NCAN: variants seen among roughly 807,000 people sequenced by gnomAD.
The protein encoded by NCAN is neurocan, also known as neurocan core protein.
In NCAN, 47 loss-of-function variants were observed where a neutral mutation model predicts 121.8. That is an observed-to-expected ratio of 0.39 (90% CI 0.31 to 0.49). The LOEUF (loss-of-function observed/expected upper bound fraction) is 0.49, where lower values mean the gene tolerates loss of function less well. NCAN is among the 20% of genes least tolerant of loss of function. The pLI is 0.92. For synonymous variants in NCAN, 633 were observed against 702.0 expected (o/e 0.90, Z 1.55); for missense variants, 1,517 against 1,773.4 (o/e 0.86, Z 2.60).
intron 12 of NCAN, among the ~76,000 whole-genome samples, chr19:19,242,418 G>A (rs2060906506): frequency 6.7e-6 from 1 of 149,078 alleles, no homozygotes; most frequent in African/African-American, 2.5e-5. Flanking sequence ...AGGCGTGGTG[G>A]GTGACTCACG....
In NCAN at chr19:19,224,420, C is replaced by T; in HGVS notation, c.765C>T (p.Ala255=). The part of the protein sequence containing the change: ...PQELYDVYCF[A]RELGGEVFYV... ...AACTCTACGATGTGTATTGCTTTGC[C>T]CGGGAGCTGGGGGGTAAGTCTGGGA... is the stretch of plus-strand genomic sequence containing the variant. Residue 255 remains alanine, a synonymous_variant, in exon 5 of 15, where the codon GCC becomes GCT. Transcript: ENST00000252575. The T allele has an allele frequency of 6.2e-7, 1 of 1,613,466 alleles. No homozygotes were observed. The highest frequency in any genetic ancestry group is 1.7e-4 in the Middle Eastern group (1 of 6,060).
At chr19:19,241,652 C>T (rs1185384984) in intron 12 of NCAN, among the ~76,000 whole-genome samples, 3 of 151,782 alleles carry the variant, frequency 2.0e-5, no homozygotes, top group African/African-American at 7.3e-5. Context: ...GCCTGGGCAA[C>T]ACAGTGAGAC....
chr19:19,246,708 G>A (rs775745116), intron 13 of NCAN, among the ~76,000 whole-genome samples: 6 of 150,798 alleles, frequency 4.0e-5, no homozygotes, highest in Non-Finnish European at 7.4e-5. Context: ...TTTTTTTTTT[G>A]TTTTTGTATT....
chr19:19,244,017 C>G (rs1599823973), intron 12 of NCAN, among the ~76,000 whole-genome samples: 1 of 151,922 alleles, frequency 6.6e-6, no homozygotes, highest in Non-Finnish European at 1.5e-5. Context: ...GGCTCTGTCT[C>G]AAACAAAACA....
intron 13 of NCAN, 51 bp downstream of exon 13, chr19:19,245,508 TTC>T: frequency 6.3e-7 from 1 of 1,590,234 alleles, no homozygotes. Context: ...TGCTCACTGG[TTC>T]TCTGTTGCCC....
In NCAN at chr19:19,240,658, T is replaced by C. The variant is rs375396614; in HGVS notation, c.3465T>C (p.Asp1155=). 2.4e-5 allele frequency: 39 copies of C among 1,613,846 alleles called. No individual in the cohort carries two copies. Among genetic ancestry groups the C allele is most frequent in the African/African-American group, 1.5e-4 (11 of 74,888 alleles). ...IGLNDRIVER[D]FQWTDNTGLQ... ...TGAACGACAGGATCGTGGAGAGAGA[T>C]TTCCAGTGGACGGACAACACCGGGC... The change falls in exon 12 of 15, where the codon GAT becomes GAC. Residue 1155 remains aspartate, a synonymous_variant. Coordinates refer to ENST00000252575, the MANE Select transcript of NCAN (RefSeq NM_004386.3).
At chr19:19,241,916 C>T (rs925151589) in intron 12 of NCAN, among the ~76,000 whole-genome samples, 1 of 152,044 alleles carries the variant, frequency 6.6e-6, no homozygotes, top group East Asian at 1.9e-4. Flanking sequence ...ACACAGAGGC[C>T]GGGCACAGTG....
At chr19:19,218,888 G>C in intron 2 of NCAN, 27 bp from the exon 3 acceptor site, 2 of 1,472,446 alleles carry the variant, frequency 1.4e-6, no homozygotes, top group African/African-American at 1.4e-5. Context: ...TCTGAATCAG[G>C]CCCTCTCTCC....
chr19:19,224,194 C>G lies in NCAN; in HGVS notation c.649C>G (p.Arg217Gly), dbSNP rs748459087. 6 of 1,587,616 alleles carry G rather than the reference C, an allele frequency of 3.8e-6. No individual in the cohort carries two copies. The Admixed American group carries it at 1.0e-4, about 27-fold the overall frequency. The change falls in exon 4 of 15, where the codon CGG becomes GGG. Residue 217 changes from arginine (R) to glycine (G), a missense_variant and splice_region_variant. Transcript: ENST00000252575. ...TGGCTGGCTCTCTGACCGCACTGTT[C>G]GGTGAGGGGGATACACAGGGCAGGG... ...DAGWLSDRTV[R>G]YPITQSRPGC... is the part of the protein sequence containing the mutation.
In NCAN at chr19:19,240,456, A is replaced by G; in HGVS notation, c.3410-147A>G. ...TTCCCTCTTCATTTCCACCTTCTAG[A>G]TCTTTCCCCCCACCCAGCCCACCTC... is the stretch of plus-strand genomic sequence containing the variant. On this transcript the variant is annotated intron_variant, in intron 11 of 14. Transcript: ENST00000252575. The G allele has an allele frequency of 7.1e-6, 5 of 704,198 alleles. No individual in the cohort carries two copies. The South Asian group carries it at 8.2e-5, about 12-fold the overall frequency. The allele number at this position is 704,198 out of a possible 1,614,324, so 43.6% of individuals were successfully genotyped here. A position where few individuals can be genotyped will look rare whatever the true frequency, so the allele number is the denominator to read the frequency against.
At chr19:19,213,726 C>T (rs1354004362) in intron 1 of NCAN, among the ~76,000 whole-genome samples, 5 of 152,024 alleles carry the variant, frequency 3.3e-5, no homozygotes, top group Non-Finnish European at 7.4e-5. Context: ...AGTGTGCACC[C>T]TTGGCACGGG....
chr19:19,220,053 A>G (rs919057631), intron 3 of NCAN, among the ~76,000 whole-genome samples: 1 of 152,078 alleles, frequency 6.6e-6, no homozygotes, highest in Non-Finnish European at 1.5e-5. Context: ...CTGTATCAGT[A>G]TGGGTACTAT....
chr19:19,228,687 T>C (rs527632726), intron 8 of NCAN, 48 bp downstream of exon 8: 4 of 1,544,546 alleles, frequency 2.6e-6, no homozygotes, highest in Admixed American at 1.8e-5. Flanking sequence ...TGGTCAGGGC[T>C]TGGGGAGCAG....
At position 19,212,104 on chromosome 19, in the gene NCAN, T is replaced by TTCGGGATTAGAGACAGAGC. The variant is rs1381234798; in HGVS notation, c.-8+43_-8+61dup. ...AGGGGGCCGTGTTGCGGGAGAAGAC[T>TTCGGGATTAGAGACAGAGC]TCGGGATTAGAGACAGAGCTCAGGA... On this transcript the variant is annotated intron_variant, in intron 1 of 14. Coordinates refer to ENST00000252575, the MANE Select transcript of NCAN (RefSeq NM_004386.3). This position sits in a 1 kb window ranked among gnomAD's most constrained non-coding sequence, Gnocchi z 4.5. 7 of 180,840 alleles carry TTCGGGATTAGAGACAGAGC rather than the reference T, an allele frequency of 3.9e-5. No homozygotes were observed. Among genetic ancestry groups the TTCGGGATTAGAGACAGAGC allele is most frequent in the Non-Finnish European group, 7.4e-5 (6 of 81,606 alleles). The allele number at this position is 180,840 out of a possible 1,614,324, so 11.2% of individuals were successfully genotyped here.
At chr19:19,233,749 G>A (rs2060870269) in intron 8 of NCAN, 40 bp from the exon 9 acceptor site, 4 of 1,325,624 alleles carry the variant, frequency 3.0e-6, no homozygotes, top group East Asian at 4.6e-5. Context: ...CAAAAGATCT[G>A]TGGCCTGACT....
Position 19,224,030 on chromosome 19 carries a change from T to C in NCAN, c.485T>C (p.Phe162Ser). The C allele has an allele frequency of 6.5e-7, 1 of 1,526,912 alleles. No individual in the cohort carries two copies. The highest frequency in any genetic ancestry group is 8.8e-7 in the Non-Finnish European group (1 of 1,132,296). 94.6% of individuals were successfully genotyped at this position (1,526,912 alleles called of 1,614,324 possible). The change falls in exon 4 of 15, where the codon TTC (phenylalanine) becomes TCC (serine). Residue 162 changes from phenylalanine to serine, a missense_variant. Phe to Ser is a radical substitution (Grantham distance 155). Coordinates refer to ENST00000252575, the MANE Select transcript of NCAN (RefSeq NM_004386.3). Reference protein sequence around the residue: ...LVPLEVTGVVFHYRSARDRYA... With the variant: ...LVPLEVTGVVSHYRSARDRYA... ...GGATGTTCCCCCACAGGTGTTGTGT[T>C]CCACTACCGATCAGCCCGGGACCGC...
At position 19,224,400 on chromosome 19, in the gene NCAN, T is replaced by C. The variant is rs1185298891; in HGVS notation, c.745T>C (p.Tyr249His). 5 of 1,614,010 alleles carry C rather than the reference T, an allele frequency of 3.1e-6. No individual in the cohort carries two copies. Among genetic ancestry groups the C allele is most frequent in the Non-Finnish European group, 4.2e-6 (5 of 1,179,962 alleles). ...SYGRRNPQELYDVYCFARELG... is the reference protein window; with the variant it reads ...SYGRRNPQELHDVYCFARELG... ...TGGGAGGCGCAACCCACAGGAACTCTACGATGTGTATTGCTTTGCCCGGGA... is the reference window on the plus strand; with the variant it reads ...TGGGAGGCGCAACCCACAGGAACTCCACGATGTGTATTGCTTTGCCCGGGA... Residue 249 changes from tyrosine to histidine, a missense_variant, in exon 5 of 15, where the codon TAC becomes CAC. Tyr to His is a moderately conservative substitution (Grantham distance 83). Transcript: ENST00000252575.
chr19:19,241,801 C>T (rs1002148641), intron 12 of NCAN, among the ~76,000 whole-genome samples: 17 of 151,982 alleles, frequency 1.1e-4, no homozygotes, highest in Non-Finnish European at 1.9e-4. Context: ...GTACATTATT[C>T]GGGTCATGGA....
chr19:19,224,460 C>G, intron 5 of NCAN, 27 bp downstream of exon 5: 1 of 1,605,988 alleles, frequency 6.2e-7, no homozygotes. Flanking sequence ...CAGGACCCGG[C>G]CCCTCCGCCT....
Sources: gnomAD v4.1 joint callset for allele counts (sites outside exome capture counted in the v4.1 genomes callset) on GRCh38, gnomAD v4.1.1 for gene constraint, Gnocchi (gnomAD v3.1) non-coding constraint, MANE v1.5 for transcripts, NCBI Gene and HGNC (gene_info 2026-07-23, HGNC 2026-07-21) for gene names.